TOM1L2: variants seen among roughly 807,000 people sequenced by gnomAD.
TOM1L2 encodes target of myb1 like 2 membrane trafficking protein, also known as TOM1-like protein 2.
A neutral mutation model predicts 67.9 loss-of-function variants in TOM1L2; 31 were observed. The ratio of observed to expected loss-of-function variants is 0.46; its 90% CI spans 0.34 to 0.62. The LOEUF is 0.62. Among genes scored for constraint, TOM1L2 ranks in the 20% least tolerant of loss-of-function variants. The pLI is 0.01. For synonymous variants in TOM1L2, 256 were observed against 254.0 expected (o/e 1.01, Z -0.07); for missense variants, 606 against 663.5 (o/e 0.91, Z 0.95).
At chr17:17,928,863 G>C (rs562431286) in intron 1 of TOM1L2, among the ~76,000 whole-genome samples, 1 of 152,224 alleles carries the variant, frequency 6.6e-6, no homozygotes, top group East Asian at 1.9e-4. Flanking sequence ...CTCAGTATCA[G>C]AGAACAATGC....
At chr17:17,942,204 A>T (rs557037351) in intron 1 of TOM1L2, among the ~76,000 whole-genome samples, 1 of 152,192 alleles carries the variant, frequency 6.6e-6, no homozygotes, top group East Asian at 1.9e-4. Context: ...ACAGCAGACA[A>T]AAGTAAGGAC....
chr17:17,865,603 T>C (rs1040135609), intron 10 of TOM1L2, among the ~76,000 whole-genome samples: 1 of 151,988 alleles, frequency 6.6e-6, no homozygotes, highest in Non-Finnish European at 1.5e-5. Flanking sequence ...GGTCTCAAAC[T>C]CCTGACCTCA....
At chr17:17,882,977 G>A (rs2037810292) in intron 5 of TOM1L2, 114 bp from the exon 6 acceptor site, 1 of 1,298,634 alleles carries the variant, frequency 7.7e-7, no homozygotes, top group African/African-American at 1.5e-5. Context: ...AAGGCTCAAG[G>A]CCCTGCTCCA....
rs749496502 is a variant in TOM1L2, at chr17:17,972,230, T to C, written c.52+32A>G. On this transcript the variant is annotated intron_variant, in intron 1 of 14. Transcript: ENST00000379504. ...CACCAGCCGGATCAGCGGCCGCCGT[T>C]GCCCAGCCTCCTGCCCCACACGCGG... is the stretch of plus-strand genomic sequence containing the variant. 27 of 1,548,536 alleles carry C rather than the reference T, an allele frequency of 1.7e-5. No individual in the cohort carries two copies. In the South Asian group the frequency reaches 2.7e-4, roughly 16 times the overall value.
intron 4 of TOM1L2, among the ~76,000 whole-genome samples, chr17:17,887,997 C>T (rs1001607366): frequency 4.6e-5 from 7 of 152,226 alleles, no homozygotes; most frequent in African/African-American, 1.4e-4. Flanking sequence ...GCTGAGAATA[C>T]TCCCTAGAGA....
chr17:17,898,712 C>A (rs560283005), intron 2 of TOM1L2, 38 bp from the exon 3 acceptor site: 1 of 1,606,954 alleles, frequency 6.2e-7, no homozygotes, highest in African/African-American at 1.3e-5. Context: ...TACTTACAAT[C>A]CCACTTGAGG....
intron 1 of TOM1L2, among the ~76,000 whole-genome samples, chr17:17,963,216 C>T (rs528444059): frequency 6.6e-6 from 1 of 152,170 alleles, no homozygotes; most frequent in South Asian, 2.1e-4. Flanking sequence ...CAAAAGCAGT[C>T]GCATCGAGAA....
chr17:17,962,479 AT>A (rs1292648813), intron 1 of TOM1L2, among the ~76,000 whole-genome samples: 1 of 151,832 alleles, frequency 6.6e-6, no homozygotes, highest in Non-Finnish European at 1.5e-5. Context: ...TGCCCGGCTA[AT>A]TTTTTTGTAT....
At chr17:17,884,536 C>T in intron 5 of TOM1L2, 98 bp downstream of exon 5, 1 of 1,532,904 alleles carries the variant, frequency 6.5e-7, no homozygotes, top group Non-Finnish European at 8.9e-7. Context: ...TGATGACAAG[C>T]TGAATAATTC....
At chr17:17,952,269 T>G (rs966916526) in intron 1 of TOM1L2, among the ~76,000 whole-genome samples, 3 of 151,798 alleles carry the variant, frequency 2.0e-5, no homozygotes, top group African/African-American at 4.8e-5. Context: ...CAAAAGAAAC[T>G]TCATGGAACA....
At chr17:17,869,085 A>G in intron 8 of TOM1L2, 1 of 567,528 alleles carries the variant, frequency 1.8e-6, no homozygotes, top group African/African-American at 1.9e-5. Context: ...GGGGAAAGGC[A>G]GAGCAGCCTG....
At chr17:17,941,963 T>C (rs146500299) in intron 1 of TOM1L2, among the ~76,000 whole-genome samples, 1 of 152,266 alleles carries the variant, frequency 6.6e-6, no homozygotes, top group African/African-American at 2.4e-5. Context: ...ATCTCTAAAA[T>C]ACAAAAGTCT....
In TOM1L2 at chr17:17,903,080, C is replaced by T. The variant is rs372875246; in HGVS notation, c.137+4367G>A. Among the ~76,000 whole-genome samples the T allele has an allele frequency of 4.4e-4, 67 of 152,284 alleles. 1 individual carries two copies. In the East Asian group the frequency reaches 0.011, roughly 25 times the overall value. ...TCTGTAAGACTCCAGTCTGGTGTCA[C>T]TTCCTCCAAGAAGGCTTTGCTGCCA... is the stretch of plus-strand genomic sequence containing the variant. On this transcript the variant is annotated intron_variant, in intron 2 of 14. Coordinates refer to ENST00000379504, the MANE Select transcript of TOM1L2 (RefSeq NM_001082968.2).
intron 8 of TOM1L2, 41 bp from the exon 9 acceptor site, chr17:17,866,965 C>A (rs1345550698): frequency 6.3e-7 from 1 of 1,599,330 alleles, no homozygotes; most frequent in South Asian, 1.1e-5. Context: ...AGAGAGGATG[C>A]CTGTGATATG....
intron 7 of TOM1L2, among the ~76,000 whole-genome samples, chr17:17,876,466 T>G (rs1253525054): frequency 6.6e-6 from 1 of 152,180 alleles, no homozygotes. Context: ...CTTCAAATAT[T>G]TAAGGATCTA....
intron 4 of TOM1L2, among the ~76,000 whole-genome samples, chr17:17,891,784 C>CAT (rs2038291643): frequency 7.0e-6 from 1 of 143,128 alleles, no homozygotes; most frequent in South Asian, 2.3e-4. Context: ...TGCATGCACA[C>CAT]GTGTGTGTGT....
At chr17:17,860,764 G>A (rs2036513233) in intron 12 of TOM1L2, among the ~76,000 whole-genome samples, 1 of 152,240 alleles carries the variant, frequency 6.6e-6, no homozygotes, top group African/African-American at 2.4e-5. Context: ...CTCATGAGAA[G>A]CATTAAGACA....
Position 17,898,658 on chromosome 17 carries a change from G to A in TOM1L2, c.154C>T (p.Arg52Ter), listed in dbSNP as rs139022042. The A allele has an allele frequency of 7.4e-6, 12 of 1,614,180 alleles. No homozygotes were observed. The highest frequency in any genetic ancestry group is 1.1e-5 in the South Asian group (1 of 91,078). The change falls in exon 3 of 15, where the codon CGA becomes TGA. Residue 52 changes from arginine (R) to a stop codon, truncating the protein, a stop_gained. Coordinates refer to ENST00000379504, the MANE Select transcript of TOM1L2 (RefSeq NM_001082968.2). LOFTEE classifies it high-confidence loss of function. The stretch of plus-strand genomic sequence containing the variant: ...CCGTTGAGCCGCTTCTTCAGGGCTC[G>A]AATGGCATCCTTTGGCCTGGAAAAA... Reference protein sequence around the residue: ...ETEEGPKDAIRALKKRLNGNR... With the variant: ...ETEEGPKDAI
chr17:17,942,645 G>A (rs573618813), intron 1 of TOM1L2, among the ~76,000 whole-genome samples: 21 of 152,152 alleles, frequency 1.4e-4, no homozygotes, highest in Non-Finnish European at 1.9e-4. Flanking sequence ...TACTTAGTAG[G>A]CTCAGAGTAA....
Sources: gnomAD v4.1 joint callset for allele counts (sites outside exome capture counted in the v4.1 genomes callset) on GRCh38, gnomAD v4.1.1 for gene constraint, MANE v1.5 for transcripts, NCBI Gene and HGNC (gene_info 2026-07-23, HGNC 2026-07-21) for gene names.